STOX2: variants seen among roughly 807,000 people sequenced by gnomAD.
The protein encoded by STOX2 is storkhead-box protein 2.
Under a neutral mutation model 60.9 loss-of-function variants are expected in STOX2, and 28 were observed. That is an observed-to-expected ratio of 0.46 (90% CI 0.34 to 0.63). The LOEUF (loss-of-function observed/expected upper bound fraction) is 0.63. Among genes scored for constraint, STOX2 ranks in the 30% least tolerant of loss-of-function variants. The pLI, the probability that STOX2 is intolerant of heterozygous loss-of-function variation, is 0.01. For missense variants in STOX2, 1,024 were observed against 1,187.7 expected (o/e 0.86, Z 2.03); for synonymous variants, 472 against 463.9 (o/e 1.02, Z -0.22).
At chr4:183,999,093 C>T (rs564718301) in intron 1 of STOX2, among the ~76,000 whole-genome samples, 59 of 152,158 alleles carry the variant, frequency 3.9e-4, no homozygotes, top group Admixed American at 6.5e-4. Context: ...AACAAAAAAA[C>T]CCAGCTTTTT....
At chr4:183,970,182 G>GTGTGTGTGT (rs1560911416) in intron 1 of STOX2, among the ~76,000 whole-genome samples, 11 of 134,142 alleles carry the variant, frequency 8.2e-5, no homozygotes, top group African/African-American at 1.8e-4. Flanking sequence ...GTGTGTGTGT[G>GTGTGTGTGT]GGGTTCCAGC....
chr4:183,799,576 C>A (rs75412788), intron 1 of STOX2, among the ~76,000 whole-genome samples: 2,358 of 151,670 alleles, frequency 0.016, 52 homozygotes, highest in African/African-American at 0.053. Context: ...TATATTGAAC[C>A]CCCACCGTGT....
At chr4:183,959,645 G>A (rs374094531) in intron 1 of STOX2, among the ~76,000 whole-genome samples, 1 of 152,198 alleles carries the variant, frequency 6.6e-6, no homozygotes, top group South Asian at 2.1e-4. Flanking sequence ...CTTGCATTGT[G>A]GAATTATGGG....
chr4:183,914,382 G>A (rs1387301031), intron 1 of STOX2, among the ~76,000 whole-genome samples: 1 of 152,216 alleles, frequency 6.6e-6, no homozygotes, highest in Non-Finnish European at 1.5e-5. Context: ...AGGCCTCAGC[G>A]AGCCGAGATT....
At chr4:184,006,860 C>CA (rs1298045787) in intron 2 of STOX2, among the ~76,000 whole-genome samples, 2 of 150,192 alleles carry the variant, frequency 1.3e-5, no homozygotes, top group African/African-American at 2.4e-5. Flanking sequence ...ACTAAAAATA[C>CA]AAAAAATTAG....
At chr4:183,827,368 G>A (rs903720536) in intron 1 of STOX2, among the ~76,000 whole-genome samples, 11 of 152,074 alleles carry the variant, frequency 7.2e-5, no homozygotes, top group African/African-American at 2.7e-4. Flanking sequence ...GTGGTGACAC[G>A]CACCTGTAGT....
In STOX2 at chr4:183,856,068, T is replaced by C. The variant is rs1740279039; in HGVS notation, c.364+58013T>C. Among the ~76,000 whole-genome samples the C allele has an allele frequency of 6.6e-6, 1 of 152,202 alleles. No individual in the cohort carries two copies. Among genetic ancestry groups the C allele is most frequent in the Non-Finnish European group, 1.5e-5 (1 of 68,032 alleles). On this transcript the variant is annotated intron_variant, in intron 1 of 2. Transcript: ENST00000513034. The surrounding 1 kb of genome is among the most constrained non-coding windows in gnomAD (Gnocchi z 4.0). The stretch of plus-strand genomic sequence containing the variant: ...TCCAGCCTAGGTCTCATTCCTGGCC[T>C]GGTGGTAGCATCTTGCTGCAGGGAT...
At chr4:183,809,901 T>C (rs765216629) in intron 1 of STOX2, among the ~76,000 whole-genome samples, 5 of 152,242 alleles carry the variant, frequency 3.3e-5, no homozygotes, top group Non-Finnish European at 7.3e-5. Flanking sequence ...TCTGAAATAC[T>C]TTTTAAAAGT....
At chr4:183,915,156 G>T (rs753713191) in intron 1 of STOX2, among the ~76,000 whole-genome samples, 10 of 152,240 alleles carry the variant, frequency 6.6e-5, no homozygotes, top group Non-Finnish European at 1.5e-4. Flanking sequence ...AAAAGAGAGA[G>T]ATTTGGCAGA....
At chr4:183,949,619 A>G (rs1743009487) in intron 1 of STOX2, among the ~76,000 whole-genome samples, 1 of 151,924 alleles carries the variant, frequency 6.6e-6, no homozygotes, top group Non-Finnish European at 1.5e-5. Flanking sequence ...AATCGCTTGA[A>G]CCCGGGAGAT....
intron 1 of STOX2, among the ~76,000 whole-genome samples, chr4:183,813,441 T>C (rs538182799): frequency 8.5e-5 from 13 of 152,182 alleles, no homozygotes; most frequent in Admixed American, 4.6e-4. Context: ...TTGCTTTAGG[T>C]ATTATGGGTA....
intron 1 of STOX2, among the ~76,000 whole-genome samples, chr4:183,870,241 A>G (rs1445722468): frequency 6.6e-6 from 1 of 152,194 alleles, no homozygotes; most frequent in African/African-American, 2.4e-5. Flanking sequence ...CTTGCGCGAC[A>G]TTTTTAACAC....
Position 183,914,314 on chromosome 4 carries a change from T to C in STOX2, c.166+7358T>C, listed in dbSNP as rs560051620. On this transcript the variant is annotated intron_variant, in intron 1 of 3. Coordinates refer to ENST00000308497, the MANE Select transcript of STOX2 (RefSeq NM_020225.3). ...TTAGCCACACTTGATGGCATGTGCC[T>C]GTAGTCCCAGCTACTCGGGAGGCTG... Among the ~76,000 whole-genome samples the C allele has an allele frequency of 2.7e-3, 404 of 152,326 alleles. 1 individual carries two copies. The highest frequency in any genetic ancestry group is 4.4e-3 in the Non-Finnish European group (299 of 68,030).
chr4:183,993,155 T>G (rs1281152025), intron 1 of STOX2, among the ~76,000 whole-genome samples: 3 of 152,216 alleles, frequency 2.0e-5, no homozygotes, highest in Admixed American at 2.0e-4. Flanking sequence ...TGCCCGATGC[T>G]CTACCCTTTC....
chr4:183,818,576 T>A (rs917503053), intron 1 of STOX2, among the ~76,000 whole-genome samples: 4 of 152,220 alleles, frequency 2.6e-5, no homozygotes, highest in Non-Finnish European at 4.4e-5. Context: ...AAAACCGCCA[T>A]CGTCATCATG....
chr4:183,951,256 T>C (rs1320572198), intron 1 of STOX2, among the ~76,000 whole-genome samples: 2 of 150,090 alleles, frequency 1.3e-5, no homozygotes, highest in Non-Finnish European at 3.0e-5. Flanking sequence ...GTGCAAAGGC[T>C]TTGCTCAGCA....
chr4:183,958,740 G>A (rs565814858), intron 1 of STOX2, among the ~76,000 whole-genome samples: 13 of 152,278 alleles, frequency 8.5e-5, no homozygotes, highest in African/African-American at 3.1e-4. Context: ...ACCCCAAGTA[G>A]CTCTGCTCAT....
chr4:183,819,281 A>G (rs1739243729), intron 1 of STOX2, among the ~76,000 whole-genome samples: 1 of 152,106 alleles, frequency 6.6e-6, no homozygotes. Flanking sequence ...ACGAGACTCC[A>G]TCTGCAATCC....
chr4:183,841,179 G>GTATCTATTTATTTATT (rs146024028), intron 1 of STOX2, among the ~76,000 whole-genome samples: 17 of 147,920 alleles, frequency 1.1e-4, no homozygotes, highest in South Asian at 4.3e-4. Flanking sequence ...TTTCATCGTA[G>GTATCTATTTATTTATT]TATTTATTTA....
Sources: gnomAD v4.1 joint callset for allele counts (sites outside exome capture counted in the v4.1 genomes callset) on GRCh38, gnomAD v4.1.1 for gene constraint, Gnocchi (gnomAD v3.1) non-coding constraint, MANE v1.5 for transcripts, NCBI Gene and HGNC (gene_info 2026-07-23, HGNC 2026-07-21) for gene names.